The following EFHC2 variants were observed in gnomAD, a reference collection of about 807,000 sequenced individuals.
EFHC2 encodes the protein EF-hand domain-containing family member C2.
In EFHC2, 18 loss-of-function variants were observed where a neutral mutation model predicts 52.7. The ratio of observed to expected loss-of-function variants is 0.34; its 90% CI spans 0.24 to 0.51. The LOEUF (loss-of-function observed/expected upper bound fraction) is 0.51, where lower values mean the gene tolerates loss of function less well. Among genes scored for constraint, EFHC2 ranks in the 20% least tolerant of loss-of-function variants. The pLI, the probability that EFHC2 is intolerant of heterozygous loss-of-function variation, is 0.97. For missense variants in EFHC2, 513 were observed against 562.5 expected (o/e 0.91, Z 0.89); for synonymous variants, 203 against 204.1 (o/e 0.99, Z 0.04).
intron 14 of EFHC2, among the ~76,000 whole-genome samples, chrX:44,157,562 A>C (rs963846673): frequency 1.8e-5 from 2 of 109,960 alleles, no homozygotes; most frequent in South Asian, 8.0e-4. Flanking sequence ...CAGAGTATGG[A>C]TTTCACTTCC....
intron 11 of EFHC2, among the ~76,000 whole-genome samples, chrX:44,190,633 A>T (rs2036912457): frequency 9.0e-6 from 1 of 110,788 alleles, no homozygotes; most frequent in Admixed American, 9.6e-5. Flanking sequence ...TTTGCAATAC[A>T]TCCTAAATAT....
chrX:44,258,423 TAAAC>T (rs1197535202), intron 4 of EFHC2, among the ~76,000 whole-genome samples: 33 of 88,635 alleles, frequency 3.7e-4, no homozygotes, highest in Non-Finnish European at 4.7e-4. Flanking sequence ...ACAAGGAACT[TAAAC>T]AAATTTACAA....
intron 1 of EFHC2, among the ~76,000 whole-genome samples, chrX:44,315,978 C>T (rs1309736758): frequency 9.0e-6 from 1 of 111,576 alleles, no homozygotes; most frequent in Non-Finnish European, 1.9e-5. Context: ...CTAATACCGG[C>T]CAGGCCCTAT....
intron 3 of EFHC2, among the ~76,000 whole-genome samples, chrX:44,264,954 T>C (rs1168268921): frequency 8.9e-6 from 1 of 111,751 alleles, no homozygotes; most frequent in African/African-American, 3.3e-5. Flanking sequence ...ATATTTGCCC[T>C]TTAAATTTTC....
rs1405529356 is a variant in EFHC2, at chrX:44,232,621, C to G, written c.1480G>C (p.Val494Leu). The change falls in exon 10 of 15, where the codon GTC (valine) becomes CTC (leucine). Residue 494 changes from valine to leucine, a missense_variant. Val to Leu is a conservative substitution (Grantham distance 32, BLOSUM62 1). Coordinates refer to ENST00000420999, the MANE Select transcript of EFHC2 (RefSeq NM_025184.4). ...TATTCAGATAGTTCACTTTTAAAGA[C>G]TTCTTGTCCAGGCTTCTTAACGCGA... ...RSRVKKPGQE[V>L]FKSELSEYIK... 1 of 1,197,433 alleles carries G rather than the reference C, an allele frequency of 8.4e-7. No homozygotes were observed. Among genetic ancestry groups the G allele is most frequent in the African/African-American group, 1.8e-5 (1 of 56,966 alleles).
chrX:44,246,409 T>C (rs1439349600), intron 7 of EFHC2, among the ~76,000 whole-genome samples: 3 of 112,482 alleles, frequency 2.7e-5, no homozygotes, highest in Non-Finnish European at 5.6e-5. Flanking sequence ...ATGAGAAATA[T>C]AAAAAGTCAG....
chrX:44,308,699 T>C (rs1046873979), intron 2 of EFHC2, among the ~76,000 whole-genome samples: 3 of 112,187 alleles, frequency 2.7e-5, no homozygotes, highest in African/African-American at 6.5e-5. Context: ...CTAGTATCTA[T>C]CTAAACACAG....
At chrX:44,255,856 T>C (rs1401472064) in intron 4 of EFHC2, among the ~76,000 whole-genome samples, 1 of 111,582 alleles carries the variant, frequency 9.0e-6, no homozygotes, top group Non-Finnish European at 1.9e-5. Context: ...TATTCTAAAG[T>C]TGACCACATA....
At chrX:44,258,408 A>G (rs1279378466) in intron 4 of EFHC2, among the ~76,000 whole-genome samples, 1 of 109,541 alleles carries the variant, frequency 9.1e-6, no homozygotes, top group Non-Finnish European at 1.9e-5. Flanking sequence ...TAATATCCAG[A>G]ATCTACAAGG....
intron 11 of EFHC2, among the ~76,000 whole-genome samples, chrX:44,180,466 G>A (rs1289598529): frequency 8.9e-6 from 1 of 112,084 alleles, no homozygotes; most frequent in Non-Finnish European, 1.9e-5. Context: ...TTGGGGCCAG[G>A]CGTGGTGGCT....
intron 13 of EFHC2, among the ~76,000 whole-genome samples, chrX:44,174,380 C>A (rs6610898): frequency 0.36 from 39,777 of 109,168 alleles, 5,481 homozygotes; most frequent in African/African-American, 0.44. Flanking sequence ...TGGTAAATCA[C>A]ACAGAAGCAG....
chrX:44,232,565 G>A lies in EFHC2; in HGVS notation c.1536C>T (p.Val512=). ...YIKAEELYIG[V]TVNVNGYLFR... is the part of the protein sequence containing the mutation. ...ATAGGTAACCATTCACATTCACCGT[G>A]ACTCCAATGTACAGCTCCTCGGCCT... The change falls in exon 10 of 15, where the codon GTC becomes GTT. Residue 512 remains valine (V), a synonymous_variant. Transcript: ENST00000420999. The A allele has an allele frequency of 2.5e-6, 3 of 1,190,998 alleles. No homozygotes were observed. The highest frequency in any genetic ancestry group is 3.4e-6 in the Non-Finnish European group (3 of 884,389).
At chrX:44,243,233 A>C (rs2037373960) in intron 7 of EFHC2, among the ~76,000 whole-genome samples, 1 of 111,747 alleles carries the variant, frequency 8.9e-6, no homozygotes, top group African/African-American at 3.3e-5. Flanking sequence ...CATAAATGGC[A>C]AAAAAAGATG....
intron 11 of EFHC2, among the ~76,000 whole-genome samples, chrX:44,229,191 T>C (rs1321611010): frequency 8.9e-6 from 1 of 112,788 alleles, no homozygotes; most frequent in Non-Finnish European, 1.9e-5. Context: ...TAAGCACATG[T>C]ATACACAGAT....
At chrX:44,209,237 A>G (rs756118510) in intron 11 of EFHC2, among the ~76,000 whole-genome samples, 1 of 111,639 alleles carries the variant, frequency 9.0e-6, no homozygotes, top group African/African-American at 3.3e-5. Context: ...TCACAAACCC[A>G]TAAAGGAAAA....
intron 3 of EFHC2, among the ~76,000 whole-genome samples, chrX:44,265,101 A>G (rs2037566875): frequency 9.0e-6 from 1 of 110,900 alleles, no homozygotes; most frequent in Non-Finnish European, 1.9e-5. Context: ...ACTTTCTAAC[A>G]TTTCCCTGTG....
chrX:44,175,573 A>T (rs1029778425), intron 13 of EFHC2, among the ~76,000 whole-genome samples: 2 of 112,105 alleles, frequency 1.8e-5, no homozygotes, highest in Non-Finnish European at 3.8e-5. Context: ...ATCCTTACGT[A>T]TGAGATAAGA....
chrX:44,158,828 T>C (rs2036629034), intron 14 of EFHC2, among the ~76,000 whole-genome samples: 2 of 111,687 alleles, frequency 1.8e-5, no homozygotes, highest in African/African-American at 3.3e-5. Context: ...AGGCTCTCAG[T>C]TGATACCAAG....
chrX:44,211,633 G>T (rs1248484326), intron 11 of EFHC2, among the ~76,000 whole-genome samples: 1 of 110,339 alleles, frequency 9.1e-6, no homozygotes, highest in Non-Finnish European at 1.9e-5. Context: ...AGGCCGAGGC[G>T]GGCAGATCAT....
Sources: allele counts gnomAD v4.1 joint callset (sites outside exome capture counted in the v4.1 genomes callset), GRCh38; gene constraint gnomAD v4.1.1; transcripts MANE v1.5; gene names NCBI Gene and HGNC (gene_info 2026-07-23, HGNC 2026-07-21).